GXYLT2: variants seen among roughly 807,000 people sequenced by gnomAD.
GXYLT2 encodes glucoside xylosyltransferase 2, also known as glycosyltransferase 8 domain containing 4.
A neutral mutation model predicts 45.8 loss-of-function variants in GXYLT2; 53 were observed. The observed-to-expected ratio is 1.16, with a 90% confidence interval of 0.93 to 1.46. The LOEUF (loss-of-function observed/expected upper bound fraction) is 1.46. GXYLT2 is among the 40% of genes most tolerant of loss of function. The pLI is 0.00. For synonymous variants in GXYLT2, 219 were observed against 214.2 expected (o/e 1.02, Z -0.19); for missense variants, 551 against 544.4 (o/e 1.01, Z -0.12).
chr3:72,927,653 A>T (rs951680419), intron 3 of GXYLT2, among the ~76,000 whole-genome samples: 7 of 152,224 alleles, frequency 4.6e-5, no homozygotes, highest in African/African-American at 1.7e-4. Context: ...ACACACATAT[A>T]GGAATATATT....
intron 2 of GXYLT2, among the ~76,000 whole-genome samples, chr3:72,915,360 G>GGT (rs1709719315): frequency 7.6e-6 from 1 of 131,844 alleles, no homozygotes; most frequent in African/African-American, 3.0e-5. Context: ...TTTTTGCGGG[G>GGT]GGGGGGGGGA....
At chr3:72,958,337 C>T (rs1356830512) in intron 5 of GXYLT2, among the ~76,000 whole-genome samples, 1 of 151,434 alleles carries the variant, frequency 6.6e-6, no homozygotes, top group Non-Finnish European at 1.5e-5. Flanking sequence ...GCAAAAAAAG[C>T]AATCCTTACC....
intron 2 of GXYLT2, among the ~76,000 whole-genome samples, chr3:72,911,119 C>T (rs1709610591): frequency 1.3e-5 from 2 of 152,116 alleles, no homozygotes; most frequent in African/African-American, 4.8e-5. Flanking sequence ...TAGTAAAACC[C>T]TGTCTCTACT....
chr3:72,889,334 CTG>C (rs1222036236), intron 1 of GXYLT2, among the ~76,000 whole-genome samples: 1 of 152,202 alleles, frequency 6.6e-6, no homozygotes, highest in Non-Finnish European at 1.5e-5. Flanking sequence ...CCTTTCAAAA[CTG>C]TTGTTTCTAA....
At chr3:72,914,733 T>C (rs1043746370) in intron 2 of GXYLT2, among the ~76,000 whole-genome samples, 2 of 150,240 alleles carry the variant, frequency 1.3e-5, no homozygotes, top group Admixed American at 6.6e-5. Flanking sequence ...CCAGACTGGC[T>C]TGTGGTAGGC....
intron 1 of GXYLT2, among the ~76,000 whole-genome samples, chr3:72,903,241 C>A (rs1363775505): frequency 6.6e-6 from 1 of 152,176 alleles, no homozygotes; most frequent in African/African-American, 2.4e-5. Flanking sequence ...TTACGCAAGA[C>A]CATTTCCACT....
chr3:72,958,779 G>C (rs1318601329), intron 5 of GXYLT2, among the ~76,000 whole-genome samples: 1 of 151,398 alleles, frequency 6.6e-6, no homozygotes, highest in African/African-American at 2.4e-5. Context: ...TTACAGGAGT[G>C]TGCCACTATG....
chr3:72,950,830 G>T (rs1710509177), intron 3 of GXYLT2, among the ~76,000 whole-genome samples: 1 of 152,186 alleles, frequency 6.6e-6, no homozygotes, highest in African/African-American at 2.4e-5. Flanking sequence ...GCTGCCCATG[G>T]CCAGTCTTTG....
At chr3:72,929,220 C>T (rs1200310445) in intron 3 of GXYLT2, 22 of 1,576,946 alleles carry the variant, frequency 1.4e-5, no homozygotes, top group Non-Finnish European at 1.8e-5. Context: ...CTTCACCAAT[C>T]TCATGAGGAG....
chr3:72,899,305 A>T (rs2107065233), intron 1 of GXYLT2, among the ~76,000 whole-genome samples: 1 of 152,320 alleles, frequency 6.6e-6, no homozygotes, highest in Middle Eastern at 3.4e-3. Flanking sequence ...TCATGAGCCA[A>T]GCTAAATATG....
chr3:72,894,957 C>T (rs1033639136), intron 1 of GXYLT2, among the ~76,000 whole-genome samples: 2 of 152,198 alleles, frequency 1.3e-5, no homozygotes, highest in Non-Finnish European at 2.9e-5. Flanking sequence ...TGGAAGCCCC[C>T]AGTAAAACGC....
At chr3:72,947,373 TG>T (rs901185364) in intron 3 of GXYLT2, among the ~76,000 whole-genome samples, 1 of 151,960 alleles carries the variant, frequency 6.6e-6, no homozygotes, top group Non-Finnish European at 1.5e-5. Flanking sequence ...TGTAAGGCCC[TG>T]GAGCCAAAAA....
intron 2 of GXYLT2, among the ~76,000 whole-genome samples, chr3:72,915,477 C>T (rs190903875): frequency 1.3e-4 from 19 of 147,770 alleles, no homozygotes; most frequent in South Asian, 4.3e-4. Flanking sequence ...CAGAACAAAA[C>T]GAGGGGTGAT....
intron 1 of GXYLT2, among the ~76,000 whole-genome samples, chr3:72,891,480 A>G (rs999042700): frequency 4.6e-5 from 7 of 152,178 alleles, no homozygotes; most frequent in African/African-American, 9.7e-5. Flanking sequence ...TTTGTATGCA[A>G]TCTGCCCTGT....
chr3:72,974,509 A>C (rs529729340), intron 6 of GXYLT2, among the ~76,000 whole-genome samples: 8 of 152,326 alleles, frequency 5.3e-5, no homozygotes, highest in African/African-American at 1.9e-4. Flanking sequence ...CCTTCCTTCT[A>C]CTCAGCGTAA....
chr3:72,974,853 T>C (rs1711061971), intron 6 of GXYLT2, 124 bp from the exon 7 acceptor site: 1 of 690,434 alleles, frequency 1.4e-6, no homozygotes, highest in Non-Finnish European at 2.4e-6. Flanking sequence ...CAAAGGTCTT[T>C]TCACTTGTCC....
chr3:72,967,514 TG>T, intron 5 of GXYLT2, 32 bp from the exon 6 acceptor site: 2 of 1,573,028 alleles, frequency 1.3e-6, no homozygotes, highest in South Asian at 1.1e-5. Context: ...GCACTAACCG[TG>T]GACATATATG....
intron 5 of GXYLT2, among the ~76,000 whole-genome samples, chr3:72,962,614 C>A (rs544606755): frequency 2.6e-5 from 4 of 152,310 alleles, no homozygotes; most frequent in African/African-American, 9.6e-5. Context: ...AGTTTTTGAG[C>A]ACTATGTGCC....
intron 1 of GXYLT2, among the ~76,000 whole-genome samples, chr3:72,904,118 G>T (rs1440304061): frequency 6.6e-6 from 1 of 152,206 alleles, no homozygotes; most frequent in African/African-American, 2.4e-5. Flanking sequence ...GTTCACTCCA[G>T]TCCCCTTTTA....
Sources: gnomAD v4.1 joint callset for allele counts (sites outside exome capture counted in the v4.1 genomes callset) on GRCh38, gnomAD v4.1.1 for gene constraint, MANE v1.5 for transcripts, NCBI Gene and HGNC (gene_info 2026-07-23, HGNC 2026-07-21) for gene names.